The following ORC4 variants were observed in gnomAD, a reference collection of about 807,000 sequenced individuals.
The protein encoded by ORC4 is origin recognition complex subunit 4.
Under a neutral mutation model 63.9 loss-of-function variants are expected in ORC4, and 55 were observed. The observed-to-expected ratio is 0.86, with a 90% CI of 0.69 to 1.08. The LOEUF (loss-of-function observed/expected upper bound fraction) is 1.08, where lower values mean the gene tolerates loss of function less well. Among genes scored for constraint, ORC4 ranks in the 50% least tolerant of loss-of-function variants. ORC4 has a pLI of 0.00. For synonymous variants in ORC4, 150 were observed against 168.5 expected (o/e 0.89, Z 0.85); for missense variants, 511 against 504.4 (o/e 1.01, Z -0.13).
In ORC4 at chr2:147,934,025, G is replaced by T. The variant is rs980408481; in HGVS notation, c.*1485C>A. 2 of 152,144 alleles carry T rather than the reference G, an allele frequency of 1.3e-5. 1 individual carries two copies. Among genetic ancestry groups the T allele is most frequent in the Admixed American group, 1.3e-4 (2 of 15,254 alleles). 9.4% of individuals were successfully genotyped at this position (152,144 alleles called of 1,614,324 possible). On this transcript the variant is annotated 3_prime_UTR_variant, in exon 14 of 14. Transcript: ENST00000392857. Reference sequence around the variant, plus strand: ...GATTTCATTAAAACATTGTTCCTTAGAGCATACTTTAAAAACTATTTGGTA... The same window carrying T: ...GATTTCATTAAAACATTGTTCCTTATAGCATACTTTAAAAACTATTTGGTA...
At chr2:148,008,285 A>T (rs945292188) in intron 1 of ORC4, among the ~76,000 whole-genome samples, 1 of 152,244 alleles carries the variant, frequency 6.6e-6, no homozygotes, top group Non-Finnish European at 1.5e-5. Context: ...CTTTAGCAGG[A>T]AGATTAAAAG....
At chr2:148,016,363 C>A (rs975359599) in intron 1 of ORC4, among the ~76,000 whole-genome samples, 16 of 152,180 alleles carry the variant, frequency 1.1e-4, no homozygotes, top group African/African-American at 3.4e-4. Context: ...TTTCTGAATC[C>A]TGGAGAAACC....
intron 4 of ORC4, among the ~76,000 whole-genome samples, chr2:147,968,481 C>T (rs1320007717): frequency 6.6e-6 from 1 of 152,008 alleles, no homozygotes; most frequent in Non-Finnish European, 1.5e-5. Flanking sequence ...GGCAAATTAT[C>T]TGAACAGACA....
chr2:148,015,927 G>C (rs942527507), intron 1 of ORC4, among the ~76,000 whole-genome samples: 15 of 152,236 alleles, frequency 9.9e-5, no homozygotes, highest in African/African-American at 3.6e-4. Flanking sequence ...TGTAGTGGCA[G>C]GCCACTGGAA....
chr2:147,963,884 C>T (rs998266356), intron 4 of ORC4, among the ~76,000 whole-genome samples: 1 of 152,114 alleles, frequency 6.6e-6, no homozygotes, highest in Non-Finnish European at 1.5e-5. Flanking sequence ...AAAGACCACA[C>T]TACTGTATCC....
intron 4 of ORC4, among the ~76,000 whole-genome samples, chr2:147,961,489 T>G (rs925728591): frequency 1.3e-5 from 2 of 151,386 alleles, no homozygotes; most frequent in Non-Finnish European, 1.5e-5. Flanking sequence ...TCGAGAGTTA[T>G]TGTCTAAAAA....
chr2:147,975,817 G>A (rs1690517471), intron 2 of ORC4, 85 bp downstream of exon 2: 2 of 854,220 alleles, frequency 2.3e-6, no homozygotes, highest in African/African-American at 1.6e-5. Context: ...ATGCTAAAGG[G>A]AAAATTCAGG....
chr2:147,943,420 C>T lies in ORC4; in HGVS notation c.849+16G>A, dbSNP rs762485976. ...AAAAACAAAGCAACAAGCAATAAAA[C>T]AAAACTAATACAAACCAATAGCATG... On this transcript the variant is annotated intron_variant, in intron 10 of 13. Transcript: ENST00000392857. 6.5e-7 allele frequency: 1 copy of T among 1,532,902 alleles called. No homozygotes were observed. Among genetic ancestry groups the T allele is most frequent in the South Asian group, 1.1e-5 (1 of 89,478 alleles). The allele number at this position is 1,532,902 out of a possible 1,614,324, so 95.0% of individuals were successfully genotyped here.
In ORC4 at chr2:147,973,322, A is replaced by C. The variant is rs145356009; in HGVS notation, c.134+126T>G. 7 of 700,920 alleles carry C rather than the reference A, an allele frequency of 1.0e-5. No individual in the cohort carries two copies. In the East Asian group the frequency reaches 1.4e-4, roughly 14 times the overall value. 43.4% of individuals were successfully genotyped at this position (700,920 alleles called of 1,614,324 possible). A position where few individuals can be genotyped will look rare whatever the true frequency, so the allele number is the denominator to read the frequency against. On this transcript the variant is annotated intron_variant, in intron 3 of 13. Coordinates refer to ENST00000392857, the MANE Select transcript of ORC4 (RefSeq NM_181741.4). ...TGTGGTGTTTCTATTCACAAAGCAAAATTTTTTATTTCTATAAAAGTGTTT... is the reference window on the plus strand; with the variant it reads ...TGTGGTGTTTCTATTCACAAAGCAACATTTTTTATTTCTATAAAAGTGTTT...
At chr2:147,988,936 T>C (rs1395163250) in intron 1 of ORC4, among the ~76,000 whole-genome samples, 1 of 152,208 alleles carries the variant, frequency 6.6e-6, no homozygotes, top group African/African-American at 2.4e-5. Context: ...GTGTTACCTA[T>C]AAAAATTCTC....
intron 10 of ORC4, among the ~76,000 whole-genome samples, chr2:147,942,920 A>ATG (rs1688446532): frequency 6.6e-6 from 1 of 152,134 alleles, no homozygotes; most frequent in Non-Finnish European, 1.5e-5. Context: ...CTATATATTA[A>ATG]TGTGTATATA....
chr2:147,980,160 C>T (rs1331912928), intron 1 of ORC4, among the ~76,000 whole-genome samples: 3 of 151,744 alleles, frequency 2.0e-5, no homozygotes, highest in African/African-American at 2.4e-5. Flanking sequence ...GGTTAAAATC[C>T]AAAATATGTA....
At chr2:147,954,614 TGACTGTACATAAACCAG>T (rs1208253644) in intron 7 of ORC4, among the ~76,000 whole-genome samples, 2 of 152,122 alleles carry the variant, frequency 1.3e-5, no homozygotes, top group Non-Finnish European at 2.9e-5. Context: ...ATGTGGCACA[TGACTGTACATAAACCAG>T]GAAATTTCAA....
At chr2:147,947,904 T>C (rs1052097504) in intron 9 of ORC4, 147 bp downstream of exon 9, 2 of 631,982 alleles carry the variant, frequency 3.2e-6, no homozygotes, top group Admixed American at 3.0e-5. Flanking sequence ...AGAAAATTTT[T>C]AAAAAGTATA....
At chr2:147,989,005 C>A (rs953895845) in intron 1 of ORC4, among the ~76,000 whole-genome samples, 39 of 152,108 alleles carry the variant, frequency 2.6e-4, no homozygotes, top group African/African-American at 9.2e-4. Flanking sequence ...ACAAATATTT[C>A]TGTAAATAAT....
At chr2:148,017,019 T>C (rs1693340034) in intron 1 of ORC4, among the ~76,000 whole-genome samples, 1 of 152,182 alleles carries the variant, frequency 6.6e-6, no homozygotes, top group South Asian at 2.1e-4. Flanking sequence ...ACCATCAGAA[T>C]GTCTGCATTA....
intron 1 of ORC4, among the ~76,000 whole-genome samples, chr2:148,006,028 G>A (rs1012454892): frequency 1.3e-5 from 2 of 152,034 alleles, no homozygotes; most frequent in African/African-American, 4.8e-5. Flanking sequence ...TCCAAAATCA[G>A]GTGAGTAATC....
chr2:148,017,237 T>G (rs1693357204), intron 1 of ORC4, among the ~76,000 whole-genome samples: 1 of 152,224 alleles, frequency 6.6e-6, no homozygotes, highest in African/African-American at 2.4e-5. Context: ...AATTATAATT[T>G]CAACATGTAA....
rs978485520 is a variant in ORC4 at position 147,933,628 on chromosome 2, G to A, written c.*1882C>T. ...TGACATCTTAAGCTAATAAGAAATT[G>A]GAATCCTCAAGTCATTTCATGAGGC... On this transcript the variant is annotated 3_prime_UTR_variant, in exon 14 of 14. Coordinates refer to ENST00000392857, the MANE Select transcript of ORC4 (RefSeq NM_181741.4). 1 of 152,034 alleles carries A rather than the reference G, an allele frequency of 6.6e-6. No individual in the cohort carries two copies. The highest frequency in any genetic ancestry group is 2.4e-5 in the African/African-American group (1 of 41,414). 9.4% of individuals were successfully genotyped at this position (152,034 alleles called of 1,614,324 possible).
Sources: allele counts gnomAD v4.1 joint callset (sites outside exome capture counted in the v4.1 genomes callset), GRCh38; gene constraint gnomAD v4.1.1; transcripts MANE v1.5; gene names NCBI Gene and HGNC (gene_info 2026-07-23, HGNC 2026-07-21).